Variants in STAT5B observed in about 807,000 individuals in gnomAD.
STAT5B encodes signal transducer and activator of transcription 5B.
STAT5B carries 21 observed loss-of-function variants against 107.8 expected under a neutral mutation model. The observed-to-expected ratio is 0.19, with a 90% CI of 0.14 to 0.28. STAT5B has a LOEUF of 0.28. Among genes scored for constraint, STAT5B ranks in the 10% least tolerant of loss-of-function variants. STAT5B has a pLI of 1.00. For missense variants in STAT5B, 565 were observed against 1,008.2 expected (o/e 0.56, Z 5.95); for synonymous variants, 325 against 401.7 (o/e 0.81, Z 2.28).
chr17:42,224,427 C>T (rs918304831), intron 4 of STAT5B, among the ~76,000 whole-genome samples: 2 of 151,896 alleles, frequency 1.3e-5, no homozygotes, highest in Non-Finnish European at 2.9e-5. Flanking sequence ...GCAGCCTCTA[C>T]CTCCTGGGCT....
intron 1 of STAT5B, among the ~76,000 whole-genome samples, chr17:42,256,024 GT>G (rs1476002638): frequency 2.0e-4 from 31 of 151,984 alleles, no homozygotes; most frequent in African/African-American, 7.5e-4. Flanking sequence ...GGAGGTGAAG[GT>G]TGCAATGAGC....
chr17:42,277,073 A>G (rs1392321312), upstream of STAT5B, among the ~76,000 whole-genome samples: 1 of 152,102 alleles, frequency 6.6e-6, no homozygotes, highest in Non-Finnish European at 1.5e-5. Flanking sequence ...TGCGGGAGGG[A>G]CTGCTCTCTC....
intron 5 of STAT5B, among the ~76,000 whole-genome samples, 197 bp downstream of exon 5, chr17:42,223,185 A>AG (rs1247792493): frequency 6.6e-6 from 1 of 151,754 alleles, no homozygotes; most frequent in African/African-American, 2.4e-5. Context: ...TATGCACTTA[A>AG]GCGGGGGGTC....
intron 11 of STAT5B, among the ~76,000 whole-genome samples, chr17:42,216,574 C>T (rs1053901339): frequency 6.6e-6 from 1 of 152,100 alleles, no homozygotes; most frequent in Non-Finnish European, 1.5e-5. Flanking sequence ...GACGGGGTCT[C>T]ACAACCAGCT....
At chr17:42,243,900 C>A (rs1390551828) in intron 1 of STAT5B, among the ~76,000 whole-genome samples, 7 of 97,706 alleles carry the variant, frequency 7.2e-5, no homozygotes, top group African/African-American at 3.7e-4. Flanking sequence ...ATCTCCATGT[C>A]CAAATCCATG....
chr17:42,207,663 C>T lies in STAT5B; in HGVS notation c.1972G>A (p.Asp658Asn), dbSNP rs148568485. ...TRDFSIRSLADRLGDLNYLIY... is the reference protein window; with the variant it reads ...TRDFSIRSLANRLGDLNYLIY... ...AGGTAATTCAAGTCTCCCAAGCGGTCGGCTAGGGACCGAATGGAGAAGTCT... is the reference window on the plus strand; with the variant it reads ...AGGTAATTCAAGTCTCCCAAGCGGTTGGCTAGGGACCGAATGGAGAAGTCT... Residue 658 changes from aspartate (D) to asparagine (N), a missense_variant, in exon 16 of 19, where the codon GAC (aspartate) becomes AAC (asparagine). By Grantham distance (23) the Asp-to-Asn change is conservative (BLOSUM62 1). Transcript: ENST00000293328. The T allele has an allele frequency of 5.6e-6, 9 of 1,613,944 alleles. No individual in the cohort carries two copies. The highest frequency in any genetic ancestry group is 4.0e-5 in the African/African-American group (3 of 74,874).
At chr17:42,241,743 T>C (rs939886048) in intron 1 of STAT5B, among the ~76,000 whole-genome samples, 1 of 152,112 alleles carries the variant, frequency 6.6e-6, no homozygotes, top group African/African-American at 2.4e-5. Flanking sequence ...ATGCCTAGCC[T>C]AGTATAGCGA....
rs1372664276 is a variant in STAT5B at position 42,218,240 on chromosome 17, C to T, written c.1080G>A (p.Leu360=). 6.2e-7 allele frequency: 1 copy of T among 1,614,030 alleles called. No homozygotes were observed. The highest frequency in any genetic ancestry group is 8.5e-7 in the Non-Finnish European group (1 of 1,180,036). ...ATVRLLVGGK[L]NVHMNPPQVK... ...CCTGGGGGGGGTTCATGTGCACGTT[C>T]AGCTTCCCGCCCACCAGCAGGCGCA... Residue 360 remains leucine (L), a synonymous_variant, in exon 9 of 19, where the codon CTG becomes CTA. Coordinates refer to ENST00000293328, the MANE Select transcript of STAT5B (RefSeq NM_012448.4).
In STAT5B at chr17:42,227,883, CAGT is replaced by C. The variant is rs2080287084; in HGVS notation, c.129-201_129-199del. The stretch of plus-strand genomic sequence containing the variant: ...TAATTTACTAAATAGTTGGATTATA[CAGT>C]AGATTTCCTTCTTTTAAAAAAAAAA... On this transcript the variant is annotated intron_variant, in intron 2 of 18. Transcript: ENST00000293328. Among the ~76,000 whole-genome samples, 8 of 152,190 alleles carry C rather than the reference CAGT, an allele frequency of 5.3e-5. No individual in the cohort carries two copies. The South Asian group carries it at 1.7e-3, about 32-fold the overall frequency.
intron 16 of STAT5B, among the ~76,000 whole-genome samples, chr17:42,206,067 T>C (rs1459747114): frequency 3.3e-5 from 5 of 152,240 alleles, no homozygotes; most frequent in African/African-American, 1.2e-4. Flanking sequence ...AATATATTTG[T>C]GTTTTGTTTG....
intron 1 of STAT5B, chr17:42,275,043 AG>A: frequency 6.6e-6 from 1 of 152,324 alleles, no homozygotes; most frequent in South Asian, 2.1e-4. Flanking sequence ...ATCTAGGCAA[AG>A]ATCTGTATAC....
intron 1 of STAT5B, among the ~76,000 whole-genome samples, chr17:42,249,380 G>C (rs188053550): frequency 7.2e-5 from 11 of 151,862 alleles, no homozygotes; most frequent in African/African-American, 2.7e-4. Flanking sequence ...GCAACAGAGT[G>C]AGACTCTATC....
At chr17:42,269,133 G>GT (rs1406259428) in intron 1 of STAT5B, among the ~76,000 whole-genome samples, 1 of 152,202 alleles carries the variant, frequency 6.6e-6, no homozygotes, top group African/African-American at 2.4e-5. Context: ...GAGCACAGTA[G>GT]TGCGATCTCG....
At chr17:42,279,054 A>C (rs1181766860), upstream of STAT5B, among the ~76,000 whole-genome samples, 1 of 151,866 alleles carries the variant, frequency 6.6e-6, no homozygotes, top group Non-Finnish European at 1.5e-5. Flanking sequence ...TGGCTCAAGC[A>C]ACCCTCCCTC....
intron 1 of STAT5B, among the ~76,000 whole-genome samples, chr17:42,265,561 C>T (rs1434107559): frequency 2.6e-5 from 4 of 151,710 alleles, no homozygotes; most frequent in Non-Finnish European, 5.9e-5. Flanking sequence ...CCATGTTGGC[C>T]GGGATGGTCT....
intron 5 of STAT5B, among the ~76,000 whole-genome samples, chr17:42,222,466 G>A (rs1448429580): frequency 6.6e-6 from 1 of 152,110 alleles, no homozygotes; most frequent in Non-Finnish European, 1.5e-5. Flanking sequence ...GTTTCAGGAA[G>A]ACCTCTGTGA....
At chr17:42,231,870 CT>C in intron 2 of STAT5B, 129 bp downstream of exon 2, 2 of 1,413,742 alleles carry the variant, frequency 1.4e-6, no homozygotes, top group South Asian at 2.5e-5. Context: ...TTTTAAATAC[CT>C]TTTTATGGAT....
intron 12 of STAT5B, among the ~76,000 whole-genome samples, chr17:42,214,046 G>A (rs1053362719): frequency 2.6e-5 from 4 of 151,878 alleles, no homozygotes; most frequent in East Asian, 3.9e-4. Context: ...GGGAGGCTGA[G>A]GCAGGAGAAT....
intron 1 of STAT5B, among the ~76,000 whole-genome samples, chr17:42,248,358 ATGTT>A (rs1471654949): frequency 2.1e-5 from 3 of 145,978 alleles, no homozygotes; most frequent in Non-Finnish European, 4.5e-5. Flanking sequence ...GCAAATCAAA[ATGTT>A]TGTCCTGCTG....
Sources: allele counts gnomAD v4.1 joint callset (sites outside exome capture counted in the v4.1 genomes callset), GRCh38; gene constraint gnomAD v4.1.1; transcripts MANE v1.5; gene names NCBI Gene and HGNC (gene_info 2026-07-23, HGNC 2026-07-21).